The following B3GALT1 variants were observed in gnomAD, a reference collection of about 807,000 sequenced individuals.
B3GALT1 encodes the protein beta-1,3-galactosyltransferase 1, also known as UDP-Gal:betaGlcNAc beta 1,3-galactosyltransferase, polypeptide 1.
B3GALT1 carries 10 observed loss-of-function variants against 23.2 expected under a neutral mutation model. The ratio of observed to expected loss-of-function variants is 0.43; its 90% CI spans 0.27 to 0.73. The LOEUF (loss-of-function observed/expected upper bound fraction) is 0.73. Ranked by LOEUF, B3GALT1 falls within the 30% of genes least tolerant of loss-of-function variation. The pLI, the probability that B3GALT1 is intolerant of heterozygous loss-of-function variation, is 0.21. For synonymous variants in B3GALT1, 156 were observed against 141.5 expected (o/e 1.10, Z -0.73); for missense variants, 299 against 405.4 (o/e 0.74, Z 2.25).
rs181424528 is a variant in B3GALT1 at position 167,375,574 on chromosome 2, C to T, written c.-511+82240C>T. 2.8e-4 allele frequency among the ~76,000 whole-genome samples: 42 copies of T among 152,000 alleles called. No homozygotes were observed. In the East Asian group the frequency reaches 8.1e-3, roughly 29 times the overall value. ...TATCACCTCCTTGGTTAGATATATT[C>T]CTAGGTATTTTTTTTGTGTGTGGCT... On this transcript the variant is annotated intron_variant, in intron 1 of 4. Coordinates refer to ENST00000392690, the MANE Select transcript of B3GALT1 (RefSeq NM_020981.4).
At chr2:167,851,061 T>G (rs1033529604) in intron 4 of B3GALT1, among the ~76,000 whole-genome samples, 2 of 152,202 alleles carry the variant, frequency 1.3e-5, no homozygotes, top group African/African-American at 4.8e-5. Flanking sequence ...TATATATACT[T>G]GATAGGATTA....
chr2:167,456,013 G>A (rs1699168628), intron 1 of B3GALT1, among the ~76,000 whole-genome samples: 1 of 152,168 alleles, frequency 6.6e-6, no homozygotes, highest in African/African-American at 2.4e-5. Flanking sequence ...TTGGATATAA[G>A]AGAAATGAAT....
chr2:167,670,225 G>A (rs1574203423), intron 3 of B3GALT1, among the ~76,000 whole-genome samples: 1 of 152,138 alleles, frequency 6.6e-6, no homozygotes, highest in Non-Finnish European at 1.5e-5. Flanking sequence ...ACACTTCAGA[G>A]CACTACCCTA....
intron 1 of B3GALT1, among the ~76,000 whole-genome samples, chr2:167,454,984 G>A (rs1289517330): frequency 6.6e-6 from 1 of 152,192 alleles, no homozygotes; most frequent in Non-Finnish European, 1.5e-5. Context: ...GCAGCAGTAA[G>A]CCCAGGGACA....
intron 1 of B3GALT1, among the ~76,000 whole-genome samples, chr2:167,470,007 A>G (rs1699401718): frequency 6.6e-6 from 1 of 152,038 alleles, no homozygotes; most frequent in African/African-American, 2.4e-5. Flanking sequence ...TTTTTTCTTG[A>G]ACACTCATTT....
At chr2:167,423,352 A>G (rs1473903443) in intron 1 of B3GALT1, among the ~76,000 whole-genome samples, 1 of 152,144 alleles carries the variant, frequency 6.6e-6, no homozygotes, top group Non-Finnish European at 1.5e-5. Flanking sequence ...GAAATACCAA[A>G]AGGCAACTTT....
At chr2:167,649,623 A>G (rs1685823669) in intron 3 of B3GALT1, among the ~76,000 whole-genome samples, 1 of 152,090 alleles carries the variant, frequency 6.6e-6, no homozygotes, top group Non-Finnish European at 1.5e-5. Flanking sequence ...GTGGAGATGT[A>G]TCAGTAATTT....
intron 3 of B3GALT1, among the ~76,000 whole-genome samples, chr2:167,764,869 C>G (rs1687951879): frequency 6.6e-6 from 1 of 152,154 alleles, no homozygotes; most frequent in East Asian, 1.9e-4. Flanking sequence ...TGGGGGTAAA[C>G]AAGGGAAGCC....
intron 3 of B3GALT1, among the ~76,000 whole-genome samples, chr2:167,738,513 C>T (rs1481318974): frequency 6.6e-6 from 1 of 152,136 alleles, no homozygotes; most frequent in Non-Finnish European, 1.5e-5. Context: ...TTTCTAAAGA[C>T]AAGCACAAAC....
chr2:167,869,236 T>G lies in B3GALT1; in HGVS notation c.197T>G (p.Leu66Arg). ...RPINPHSFEFLINEPNKCEKN... is the reference protein window; with the variant it reads ...RPINPHSFEFRINEPNKCEKN... ...ATCAACCCACATTCTTTTGAATTTC[T>G]TATCAACGAGCCCAATAAATGTGAG... Residue 66 changes from leucine (L) to arginine (R), a missense_variant, in exon 5 of 5, where the codon CTT becomes CGT. Physicochemically the swap from Leu to Arg is moderately radical, Grantham distance 102 (BLOSUM62 -2). Transcript: ENST00000392690. The surrounding 1 kb of genome is among the most constrained non-coding windows in gnomAD (Gnocchi z 6.4). 6.2e-7 allele frequency: 1 copy of G among 1,614,210 alleles called. No individual in the cohort carries two copies. The highest frequency in any genetic ancestry group is 8.5e-7 in the Non-Finnish European group (1 of 1,180,036).
chr2:167,438,616 C>T (rs527955943), intron 1 of B3GALT1, among the ~76,000 whole-genome samples: 22 of 152,302 alleles, frequency 1.4e-4, no homozygotes, highest in Admixed American at 4.6e-4. Context: ...GAGGTCATCT[C>T]ATAAGCAGCC....
At chr2:167,832,310 C>T (rs10206117) in intron 4 of B3GALT1, among the ~76,000 whole-genome samples, 1,955 of 152,292 alleles carry the variant, frequency 0.013, 37 homozygotes, top group African/African-American at 0.044. Context: ...AGAATAGTTT[C>T]TGACACCAAC....
intron 2 of B3GALT1, among the ~76,000 whole-genome samples, chr2:167,581,248 A>G (rs1019352216): frequency 2.0e-5 from 3 of 152,212 alleles, no homozygotes; most frequent in Non-Finnish European, 2.9e-5. Flanking sequence ...ACATTTACCT[A>G]TGGAAAGCAC....
intron 2 of B3GALT1, among the ~76,000 whole-genome samples, chr2:167,542,106 T>C (rs1336576680): frequency 6.6e-6 from 1 of 152,044 alleles, no homozygotes; most frequent in East Asian, 1.9e-4. Flanking sequence ...TTCTTCTGCT[T>C]TTATTGAATC....
At chr2:167,797,786 G>C (rs895553797) in intron 3 of B3GALT1, among the ~76,000 whole-genome samples, 10 of 152,152 alleles carry the variant, frequency 6.6e-5, no homozygotes, top group Admixed American at 1.3e-4. Context: ...TCGGCTCACT[G>C]CAAGCTCTGC....
intron 3 of B3GALT1, among the ~76,000 whole-genome samples, chr2:167,797,307 T>C (rs1688559497): frequency 1.3e-5 from 2 of 152,248 alleles, no homozygotes; most frequent in African/African-American, 4.8e-5. Context: ...GGACATGAAC[T>C]CATTCGTTTT....
chr2:167,310,542 G>A (rs1696620746), intron 1 of B3GALT1, among the ~76,000 whole-genome samples: 1 of 151,976 alleles, frequency 6.6e-6, no homozygotes, highest in African/African-American at 2.4e-5. Context: ...TTTGGGGAAG[G>A]AATCAAACCG....
In B3GALT1 at chr2:167,570,603, C is replaced by T. The variant is rs77270252; in HGVS notation, c.-409-76306C>T. ...TAGCTATTAATCATTATTTTGAATA[C>T]TCAGCATTTTTTTAGCTTTGTGCTT... On this transcript the variant is annotated intron_variant, in intron 2 of 4. Coordinates refer to ENST00000392690, the MANE Select transcript of B3GALT1 (RefSeq NM_020981.4). Among the ~76,000 whole-genome samples the T allele has an allele frequency of 4.0e-3, 610 of 151,976 alleles. 4 individuals are homozygous for T. The highest frequency in any genetic ancestry group is 0.014 in the African/African-American group (577 of 41,506).
chr2:167,382,743 G>C (rs575437098), intron 1 of B3GALT1, among the ~76,000 whole-genome samples: 4 of 152,118 alleles, frequency 2.6e-5, no homozygotes, highest in African/African-American at 4.8e-5. Flanking sequence ...GAGGTGGGCG[G>C]AGCAGGTCAT....
Sources: allele counts gnomAD v4.1 joint callset (sites outside exome capture counted in the v4.1 genomes callset), GRCh38; gene constraint gnomAD v4.1.1; non-coding constraint Gnocchi (gnomAD v3.1); transcripts MANE v1.5; gene names NCBI Gene and HGNC (gene_info 2026-07-23, HGNC 2026-07-21).